CERS4: variants seen among roughly 807,000 people sequenced by gnomAD.
CERS4 encodes ceramide synthase 4.
A neutral mutation model predicts 51.8 loss-of-function variants in CERS4; 65 were observed. That is an observed-to-expected ratio of 1.26 (90% confidence interval 1.03 to 1.54). The LOEUF (loss-of-function observed/expected upper bound fraction) is 1.54. Among genes scored for constraint, CERS4 ranks in the 40% most tolerant of loss-of-function variants. CERS4 has a pLI of 0.00. For missense variants in CERS4, 563 were observed against 500.4 expected (o/e 1.13, Z -1.19); for synonymous variants, 228 against 208.4 (o/e 1.09, Z -0.81).
Position 8,256,620 on chromosome 19 carries a change from TC to T in CERS4, c.523del (p.Leu175Ter). On this transcript the variant is annotated frameshift_variant, in exon 8 of 12. Coordinates refer to ENST00000251363, the MANE Select transcript of CERS4 (RefSeq NM_024552.3). LOFTEE classifies it high-confidence loss of function. ...MCWDRYPNQTLKPSLYWWYLL... is the reference protein window; with the variant it reads ...MCWDRYPNQTXKPSLYWWYLL... ...AACCTTGTCCTGTCCTGCTGCAGACTCTGAAGCCATCCCTGTACTGGTGGTA... is the reference window on the plus strand; with the variant it reads ...AACCTTGTCCTGTCCTGCTGCAGACTTGAAGCCATCCCTGTACTGGTGGTA... 1 of 1,611,810 alleles carries T rather than the reference TC, an allele frequency of 6.2e-7. No individual in the cohort carries two copies. Among genetic ancestry groups the T allele is most frequent in the Non-Finnish European group, 8.5e-7 (1 of 1,179,114 alleles).
At chr19:8,245,902 CAAAAAAAAA>C (rs746017170) in intron 2 of CERS4, among the ~76,000 whole-genome samples, 1 of 76,938 alleles carries the variant, frequency 1.3e-5, no homozygotes, top group Admixed American at 1.6e-4. Flanking sequence ...GCTTTGATGA[CAAAAAAAAA>C]AAAAAAAAAA....
intron 2 of CERS4, among the ~76,000 whole-genome samples, chr19:8,222,618 C>T (rs1187878162): frequency 1.3e-5 from 2 of 152,080 alleles, no homozygotes; most frequent in Non-Finnish European, 2.9e-5. Context: ...CCTGCTTCAG[C>T]CTCCCGAGTA....
At position 8,256,973 on chromosome 19, in the gene CERS4, C is replaced by T. The variant is rs1257476327; in HGVS notation, c.637C>T (p.His213Tyr). The change falls in exon 9 of 12, where the codon CAC becomes TAC. Residue 213 changes from histidine (H) to tyrosine (Y), a missense_variant. Physicochemically the swap from His to Tyr is moderately conservative, Grantham distance 83 (BLOSUM62 2). Coordinates refer to ENST00000251363, the MANE Select transcript of CERS4 (RefSeq NM_024552.3). ...GGATTTCAAGGAGCAGGTGATACAC[C>T]ACTTCGTGGCGGTCATCCTGATGAC... is the stretch of plus-strand genomic sequence containing the variant. ...RKDFKEQVIH[H>Y]FVAVILMTFS... 3 of 1,614,142 alleles carry T rather than the reference C, an allele frequency of 1.9e-6. No individual in the cohort carries two copies. Among genetic ancestry groups the T allele is most frequent in the Non-Finnish European group, 2.5e-6 (3 of 1,180,016 alleles).
chr19:8,251,886 G>A (rs1969101231), intron 3 of CERS4, among the ~76,000 whole-genome samples: 1 of 151,858 alleles, frequency 6.6e-6, no homozygotes, highest in Non-Finnish European at 1.5e-5. Flanking sequence ...TGGGCGGAGG[G>A]TTTTCCAGTT....
chr19:8,212,832 G>A (rs138901185), intron 2 of CERS4, among the ~76,000 whole-genome samples: 1 of 151,240 alleles, frequency 6.6e-6, no homozygotes, highest in East Asian at 1.9e-4. Context: ...AGAGATGAAG[G>A]GGGGTGGGTT....
intron 4 of CERS4, 68 bp downstream of exon 4, chr19:8,254,684 G>A (rs1969279293): frequency 1.4e-6 from 2 of 1,423,446 alleles, no homozygotes; most frequent in African/African-American, 1.4e-5. Context: ...ATGGTGTGTG[G>A]CCCATTTGTT....
rs953714821 is a variant in CERS4, at chr19:8,262,210, G to A, written c.*101G>A. 7.7e-7 allele frequency: 1 copy of A among 1,296,570 alleles called. No individual in the cohort carries two copies. Among genetic ancestry groups the A allele is most frequent in the Non-Finnish European group, 1.0e-6 (1 of 1,001,480 alleles). The allele number at this position is 1,296,570 out of a possible 1,614,324, so 80.3% of individuals were successfully genotyped here. A position where few individuals can be genotyped will look rare whatever the true frequency, so the allele number is the denominator to read the frequency against. On this transcript the variant is annotated 3_prime_UTR_variant, in exon 12 of 12. Coordinates refer to ENST00000251363, the MANE Select transcript of CERS4 (RefSeq NM_024552.3). ...CCTGGGCCACCTTTCTGGAGACAGG[G>A]AGGGCCCCACCCGGGGTGGGTGGGA... is the stretch of plus-strand genomic sequence containing the variant.
chr19:8,243,629 T>C (rs114756891), intron 2 of CERS4, among the ~76,000 whole-genome samples: 1,725 of 146,822 alleles, frequency 0.012, 35 homozygotes, highest in African/African-American at 0.04. Flanking sequence ...AGCCTGCCCC[T>C]TCATGTGCAG....
intron 10 of CERS4, among the ~76,000 whole-genome samples, chr19:8,260,371 T>TC (rs1237715964): frequency 3.6e-5 from 1 of 27,708 alleles, no homozygotes; most frequent in Non-Finnish European, 6.0e-5. Context: ...ATTTTTGTAT[T>TC]TTTTTTTTTT....
chr19:8,252,875 A>G (rs1394641438), intron 3 of CERS4, among the ~76,000 whole-genome samples: 1 of 152,184 alleles, frequency 6.6e-6, no homozygotes, highest in African/African-American at 2.4e-5. Context: ...AACAAAAACC[A>G]GAATCCTGAG....
chr19:8,256,767 G>T, intron 8 of CERS4, 57 bp downstream of exon 8: 1 of 1,580,472 alleles, frequency 6.3e-7, no homozygotes, highest in Non-Finnish European at 8.6e-7. Context: ...CTGGGGTGCT[G>T]GGGGGTAGGG....
At chr19:8,255,335 G>C (rs1305459759) in intron 4 of CERS4, among the ~76,000 whole-genome samples, 1 of 152,136 alleles carries the variant, frequency 6.6e-6, no homozygotes, top group African/African-American at 2.4e-5. Flanking sequence ...CCTATCCGGG[G>C]GTAGGGGATG....
chr19:8,221,999 A>G (rs1967584091), intron 2 of CERS4, among the ~76,000 whole-genome samples: 1 of 142,092 alleles, frequency 7.0e-6, no homozygotes, highest in Non-Finnish European at 1.5e-5. Context: ...CTCCTGCCTC[A>G]GCCTCCCAGT....
Position 8,224,976 on chromosome 19 carries a change from C to T in CERS4, c.-2+14114C>T, listed in dbSNP as rs114519232. 8.1e-4 allele frequency: 124 copies of T among 152,540 alleles called. 1 individual carries two copies. Among genetic ancestry groups the T allele is most frequent in the Middle Eastern group, 3.4e-3 (1 of 298 alleles). The allele number at this position is 152,540 out of a possible 1,614,324, so 9.4% of individuals were successfully genotyped here. A position where few individuals can be genotyped will look rare whatever the true frequency, so the allele number is the denominator to read the frequency against. ...TGACTTCAGCCCTGACGTGTCTGGA[C>T]AGCGCGCAGACGGGAGGTATTGGGG... On this transcript the variant is annotated intron_variant, in intron 2 of 11. Transcript: ENST00000251363.
chr19:8,258,180 A>G (rs1477724804), intron 10 of CERS4, among the ~76,000 whole-genome samples, 195 bp downstream of exon 10: 2 of 152,138 alleles, frequency 1.3e-5, no homozygotes, highest in Non-Finnish European at 1.5e-5. Context: ...GAGAATTATT[A>G]TTACTCAGCG....
intron 7 of CERS4, 138 bp downstream of exon 7, chr19:8,256,424 G>C (rs1969384967): frequency 1.9e-6 from 2 of 1,046,996 alleles, no homozygotes; most frequent in Non-Finnish European, 2.7e-6. Context: ...TTCCTCTGGG[G>C]AATAGAGAGG....
intron 3 of CERS4, among the ~76,000 whole-genome samples, chr19:8,254,125 A>G (rs1969237511): frequency 6.6e-6 from 1 of 151,736 alleles, no homozygotes; most frequent in Admixed American, 6.6e-5. Context: ...GATCGAGACC[A>G]TCCTGGCTAA....
At chr19:8,257,817 C>A in intron 9 of CERS4, 62 bp from the exon 10 acceptor site, 1 of 1,295,592 alleles carries the variant, frequency 7.7e-7, no homozygotes. Flanking sequence ...CATCCTATAG[C>A]ACCTTCTCTT....
intron 2 of CERS4, among the ~76,000 whole-genome samples, chr19:8,220,466 A>G (rs1198686026): frequency 1.3e-5 from 2 of 152,024 alleles, no homozygotes; most frequent in Non-Finnish European, 2.9e-5. Flanking sequence ...CACCATGCCC[A>G]GGTAATTTTT....
Sources: gnomAD v4.1 joint callset for allele counts (sites outside exome capture counted in the v4.1 genomes callset) on GRCh38, gnomAD v4.1.1 for gene constraint, MANE v1.5 for transcripts, NCBI Gene and HGNC (gene_info 2026-07-23, HGNC 2026-07-21) for gene names.